Variants in PTPRN2 observed in about 807,000 individuals in gnomAD.
The protein encoded by PTPRN2 is protein tyrosine phosphatase receptor type N2.
PTPRN2 carries 74 observed loss-of-function variants against 118.8 expected under a neutral mutation model. The observed-to-expected ratio is 0.62, with a 90% CI of 0.52 to 0.76. The LOEUF (loss-of-function observed/expected upper bound fraction) is 0.76, where lower values mean the gene tolerates loss of function less well. Among genes scored for constraint, PTPRN2 ranks in the 30% least tolerant of loss-of-function variants. The pLI, the probability that PTPRN2 is intolerant of heterozygous loss-of-function variation, is 0.00. For synonymous variants in PTPRN2, 641 were observed against 608.0 expected, an observed-to-expected ratio of 1.05 and a Z score of -0.80; for missense variants, 1,481 against 1,394.4, an observed-to-expected ratio of 1.06 and a Z score of -0.99.
intron 1 of PTPRN2, among the ~76,000 whole-genome samples, chr7:158,502,283 T>C (rs1822417552): frequency 6.6e-6 from 1 of 152,206 alleles, no homozygotes; most frequent in African/African-American, 2.4e-5. Context: ...AATAATTCAA[T>C]AGTTGTGACA....
intron 2 of PTPRN2, among the ~76,000 whole-genome samples, chr7:158,359,139 C>A (rs546733850): frequency 6.6e-6 from 1 of 152,066 alleles, no homozygotes; most frequent in Non-Finnish European, 1.5e-5. Context: ...AGGCCATGGC[C>A]GGCGAGTCCC....
intron 6 of PTPRN2, among the ~76,000 whole-genome samples, chr7:158,146,522 C>A (rs1048945774): frequency 1.3e-5 from 2 of 151,938 alleles, no homozygotes; most frequent in African/African-American, 2.4e-5. Context: ...GAGATCAAGA[C>A]CATCCTGACT....
chr7:157,973,151 T>C (rs1385120388), intron 11 of PTPRN2, among the ~76,000 whole-genome samples: 1 of 152,132 alleles, frequency 6.6e-6, no homozygotes, highest in Non-Finnish European at 1.5e-5. Flanking sequence ...AGAGGCCCCA[T>C]GAGATGCCCT....
chr7:157,865,967 G>A (rs1445328377), intron 12 of PTPRN2: 1 of 152,388 alleles, frequency 6.6e-6, no homozygotes, highest in African/African-American at 2.4e-5. Flanking sequence ...TGCGGCAACT[G>A]ACAGATGCTC....
At chr7:158,205,719 C>T (rs1263925861) in intron 3 of PTPRN2, among the ~76,000 whole-genome samples, 1 of 152,154 alleles carries the variant, frequency 6.6e-6, no homozygotes, top group Non-Finnish European at 1.5e-5. Context: ...GATGTCACCC[C>T]TCACCCATCC....
At chr7:157,648,980 A>T (rs1805387213) in intron 14 of PTPRN2, among the ~76,000 whole-genome samples, 4 of 142,880 alleles carry the variant, frequency 2.8e-5, no homozygotes, top group East Asian at 2.7e-4. Context: ...GGTCGGACCC[A>T]TCCACTGTGC....
intron 9 of PTPRN2, among the ~76,000 whole-genome samples, chr7:158,114,446 G>A (rs896053860): frequency 4.6e-5 from 7 of 151,598 alleles, no homozygotes; most frequent in East Asian, 3.9e-4. Context: ...CTAGACTAAC[G>A]TAGGTCGCTC....
In PTPRN2 at chr7:158,040,732, C is replaced by T. The variant is rs13308843; in HGVS notation, c.1723+40566G>A. Among the ~76,000 whole-genome samples, 22 of 141,806 alleles carry T rather than the reference C, an allele frequency of 1.6e-4. 1 individual carries two copies. Among genetic ancestry groups the T allele is most frequent in the Middle Eastern group, 3.8e-3 (1 of 262 alleles). The allele number at this position is 141,806 out of a possible 152,430, so 93.0% of individuals were successfully genotyped here. A position where few individuals can be genotyped will look rare whatever the true frequency, so the allele number is the denominator to read the frequency against. ...GCAGTTGATCTGCCTTTCTTTTTTT[C>T]TTTCTTTTTTTTTTTTTTGAGATGG... On this transcript the variant is annotated intron_variant, in intron 11 of 22. Coordinates refer to ENST00000389418, the MANE Select transcript of PTPRN2 (RefSeq NM_002847.5).
rs1024090264 is a variant in PTPRN2, at chr7:158,574,921, C to T, written c.112+12637G>A. ...CAGAGGTGAGAGCCACTGATTTACA[C>T]GGCAGAACTGGCCACCACCAGACTA... On this transcript the variant is annotated intron_variant, in intron 1 of 22. Transcript: ENST00000389418. The surrounding 1 kb of genome is among the most constrained non-coding windows in gnomAD (Gnocchi z 4.6). Among the ~76,000 whole-genome samples, 3 of 151,922 alleles carry T rather than the reference C, an allele frequency of 2.0e-5. No individual in the cohort carries two copies. Among genetic ancestry groups the T allele is most frequent in the Admixed American group, 6.5e-5 (1 of 15,272 alleles).
chr7:158,270,817 GCCCCCTCCACCTGGATGA>G (rs1192962586), intron 3 of PTPRN2, among the ~76,000 whole-genome samples: 55 of 4,796 alleles, frequency 0.011, 5 homozygotes, highest in South Asian at 0.032. Context: ...CACCTGGACC[GCCCCCTCCACCTGGATGA>G]CCCCCTCACC....
At position 157,655,848 on chromosome 7, in the gene PTPRN2, C is replaced by T. The variant is rs1444758751; in HGVS notation, c.2196+509G>A. Among the ~76,000 whole-genome samples, 26 of 152,190 alleles carry T rather than the reference C, an allele frequency of 1.7e-4. No individual in the cohort carries two copies. In the East Asian group the frequency reaches 3.3e-3, roughly 19 times the overall value. ...GGACCCTGGAAAAGGCCGCTGAAGC[C>T]GCGTCGCCGTGAGCCTCTGGCCGGC... On this transcript the variant is annotated intron_variant, in intron 14 of 22. Coordinates refer to ENST00000389418, the MANE Select transcript of PTPRN2 (RefSeq NM_002847.5).
At chr7:158,408,823 C>T (rs978843120) in intron 2 of PTPRN2, among the ~76,000 whole-genome samples, 5 of 152,138 alleles carry the variant, frequency 3.3e-5, no homozygotes, top group East Asian at 1.9e-4. Flanking sequence ...ACGCTGCTAA[C>T]GTCAACACTG....
At chr7:157,839,463 CTG>C (rs1181436578) in intron 12 of PTPRN2, among the ~76,000 whole-genome samples, 1 of 150,728 alleles carries the variant, frequency 6.6e-6, no homozygotes, top group Non-Finnish European at 1.5e-5. Context: ...GGTTGTGTGA[CTG>C]TGTGGGAGTG....
At chr7:157,864,483 A>G (rs539327551) in intron 12 of PTPRN2, 1 of 152,442 alleles carries the variant, frequency 6.6e-6, no homozygotes, top group East Asian at 1.9e-4. Flanking sequence ...TGTTGGGGCC[A>G]GGGGAGGCAT....
At chr7:157,651,851 C>A (rs1805686114) in intron 14 of PTPRN2, among the ~76,000 whole-genome samples, 1 of 152,212 alleles carries the variant, frequency 6.6e-6, no homozygotes, top group African/African-American at 2.4e-5. Context: ...GCCTTTCGGC[C>A]GTTTCCAGAG....
chr7:157,909,391 G>C (rs1056340434), intron 11 of PTPRN2, among the ~76,000 whole-genome samples: 5 of 152,216 alleles, frequency 3.3e-5, no homozygotes, highest in East Asian at 1.9e-4. Context: ...TACACTGGGG[G>C]GGGGAGGATG....
intron 13 of PTPRN2, among the ~76,000 whole-genome samples, chr7:157,659,903 C>T (rs752598002): frequency 4.6e-5 from 7 of 152,066 alleles, no homozygotes; most frequent in Admixed American, 1.3e-4. Flanking sequence ...TGCCACCACG[C>T]CCGGCTAATT....
chr7:158,523,792 T>C (rs377662081), intron 1 of PTPRN2, among the ~76,000 whole-genome samples: 18 of 28,302 alleles, frequency 6.4e-4, no homozygotes, highest in East Asian at 2.9e-3. Context: ...TGCCCTGGAG[T>C]GGAGTCGTCT....
At chr7:158,258,712 G>A (rs551885336) in intron 3 of PTPRN2, among the ~76,000 whole-genome samples, 2 of 152,198 alleles carry the variant, frequency 1.3e-5, no homozygotes, top group Non-Finnish European at 2.9e-5. Flanking sequence ...ACCAGCCGTT[G>A]GCTCTGCTGG....
Sources: allele counts gnomAD v4.1 joint callset (sites outside exome capture counted in the v4.1 genomes callset), GRCh38; gene constraint gnomAD v4.1.1; non-coding constraint Gnocchi (gnomAD v3.1); transcripts MANE v1.5; gene names NCBI Gene and HGNC (gene_info 2026-07-23, HGNC 2026-07-21).